SOD2: variants seen among roughly 807,000 people sequenced by gnomAD.
The protein encoded by SOD2 is superoxide dismutase [Mn], mitochondrial.
A neutral mutation model predicts 27.0 loss-of-function variants in SOD2; 11 were observed. The ratio of observed to expected loss-of-function variants is 0.41; its 90% CI spans 0.26 to 0.67. The LOEUF (loss-of-function observed/expected upper bound fraction) is 0.67. SOD2 is among the 30% of genes least tolerant of loss of function. The probability of loss-of-function intolerance (pLI) is 0.34; values close to 1 mark genes in which losing one functional copy is unlikely to be tolerated. For synonymous variants in SOD2, 105 were observed against 103.0 expected, an observed-to-expected ratio of 1.02 and a Z score of -0.12; for missense variants, 250 against 274.5, an observed-to-expected ratio of 0.91 and a Z score of 0.63.
At chr6:159,728,503 C>T (rs953603738), upstream of SOD2, among the ~76,000 whole-genome samples, 1 of 152,180 alleles carries the variant, frequency 6.6e-6, no homozygotes, top group South Asian at 2.1e-4. Context: ...GTATTTGTGC[C>T]TATTTTATCT....
In SOD2 at chr6:159,678,571, G is replaced by T. The variant is rs1314135864; in HGVS notation, c.*3922C>A. 2 of 152,140 alleles carry T rather than the reference G, an allele frequency of 1.3e-5. No homozygotes were observed. Among genetic ancestry groups the T allele is most frequent in the Non-Finnish European group, 2.9e-5 (2 of 68,038 alleles). 9.4% of individuals were successfully genotyped at this position (152,140 alleles called of 1,614,324 possible). A position where few individuals can be genotyped will look rare whatever the true frequency, so the allele number is the denominator to read the frequency against. On this transcript the variant is annotated 3_prime_UTR_variant, in exon 5 of 5. Transcript: ENST00000538183. ...ATGAAATATCCTTTACAATAAATTAGTATTGTAACCAATATGTAGTTTTAA... is the reference window on the plus strand; with the variant it reads ...ATGAAATATCCTTTACAATAAATTATTATTGTAACCAATATGTAGTTTTAA...
chr6:159,745,977 G>A (rs1038817981), upstream of SOD2, among the ~76,000 whole-genome samples: 9 of 152,192 alleles, frequency 5.9e-5, no homozygotes, highest in Non-Finnish European at 1.2e-4. Context: ...ACTGAGTAAC[G>A]ATGCTACTAG....
chr6:159,755,760 C>CT (rs1779984995), intron 1 of SOD2: 169 of 286,638 alleles, frequency 5.9e-4, no homozygotes, highest in Admixed American at 2.6e-3. Flanking sequence ...TTTTTTTTTT[C>CT]TTTTCTTTTT....
chr6:159,759,311 G>T (rs201910586), intron 1 of SOD2, among the ~76,000 whole-genome samples: 1 of 149,320 alleles, frequency 6.7e-6, no homozygotes, highest in East Asian at 2.0e-4. Flanking sequence ...TGCCCGCCTC[G>T]GCCTCCCAAA....
At chr6:159,761,592 C>G (rs1173718568) in exon 1 of SOD2, 1 of 455,496 alleles carries the variant, frequency 2.2e-6, no homozygotes, top group Non-Finnish European at 4.4e-6. Context: ...CGCCGCGGGC[C>G]GGGCTCGCAC....
At chr6:159,683,109 G>C (rs927066150) in intron 4 of SOD2, among the ~76,000 whole-genome samples, 7 of 152,172 alleles carry the variant, frequency 4.6e-5, no homozygotes, top group Non-Finnish European at 8.8e-5. Context: ...TGGGAATACA[G>C]AGCAGTTGGA....
chr6:159,726,695 C>A, intron 1 of SOD2: 1 of 1,153,780 alleles, frequency 8.7e-7, no homozygotes, highest in South Asian at 1.4e-5. Context: ...AAGGGGCCCT[C>A]AACGCCGCGG....
chr6:159,720,210 T>C (rs1190104845), intron 1 of SOD2, among the ~76,000 whole-genome samples: 3 of 151,770 alleles, frequency 2.0e-5, no homozygotes, highest in Non-Finnish European at 2.9e-5. Context: ...TTTTTGTGTA[T>C]ATATAAATAT....
intron 1 of SOD2, chr6:159,712,686 C>T (rs566076148): frequency 5.4e-4 from 192 of 358,590 alleles, no homozygotes; most frequent in African/African-American, 3.3e-3. Flanking sequence ...TCCATAACCA[C>T]GACTCAGCTG....
chr6:159,749,905 A>C (rs1779759572), upstream of SOD2, among the ~76,000 whole-genome samples: 1 of 152,208 alleles, frequency 6.6e-6, no homozygotes, highest in African/African-American at 2.4e-5. Flanking sequence ...CTTGGTGATA[A>C]TGGAGTCTAA....
At chr6:159,752,298 T>G (rs541425363) in intron 1 of SOD2, among the ~76,000 whole-genome samples, 4 of 152,254 alleles carry the variant, frequency 2.6e-5, no homozygotes, top group Non-Finnish European at 5.9e-5. Context: ...TATCCAAGTC[T>G]CAAAGGTAAA....
intron 1 of SOD2, among the ~76,000 whole-genome samples, chr6:159,741,349 CCT>C (rs561322363): frequency 2.1e-4 from 32 of 152,264 alleles, no homozygotes; most frequent in East Asian, 1.5e-3. Context: ...ATATTCTCCC[CCT>C]GTGTTTACAG....
intron 4 of SOD2, among the ~76,000 whole-genome samples, chr6:159,684,468 T>A (rs1470669193): frequency 6.6e-6 from 1 of 151,848 alleles, no homozygotes; most frequent in East Asian, 1.9e-4. Flanking sequence ...AACACAAAAA[T>A]TAGCTGGGCA....
chr6:159,729,174 A>G (rs1778412433), upstream of SOD2, among the ~76,000 whole-genome samples: 1 of 152,222 alleles, frequency 6.6e-6, no homozygotes. Flanking sequence ...TGTATGTAGT[A>G]TTGAATCCCC....
At chr6:159,689,059 T>C (rs1780324995) in intron 2 of SOD2, among the ~76,000 whole-genome samples, 1 of 152,186 alleles carries the variant, frequency 6.6e-6, no homozygotes, top group Non-Finnish European at 1.5e-5. Flanking sequence ...CCCTTCTCAC[T>C]GGAGCGAACC....
chr6:159,748,981 A>G (rs575547098), upstream of SOD2: 134 of 1,044,090 alleles, frequency 1.3e-4, no homozygotes, highest in South Asian at 7.8e-4. This position sits in a 1 kb window ranked among gnomAD's most constrained non-coding sequence, Gnocchi z 5.6. Flanking sequence ...CCAACTTTCA[A>G]TAGTCATGAG....
At position 159,681,179 on chromosome 6, in the gene SOD2, G is replaced by C. The variant is rs1562414576; in HGVS notation, c.*1314C>G. ...GACCCCTCTTTGGGGTGTGCCAGGGGGATTCCCACAAGCACAGAAATAAAG... is the reference window on the plus strand; with the variant it reads ...GACCCCTCTTTGGGGTGTGCCAGGGCGATTCCCACAAGCACAGAAATAAAG... On this transcript the variant is annotated 3_prime_UTR_variant, in exon 5 of 5. Coordinates refer to ENST00000538183, the MANE Select transcript of SOD2 (RefSeq NM_000636.4). 8 of 150,366 alleles carry C rather than the reference G, an allele frequency of 5.3e-5. No homozygotes were observed. In the South Asian group the frequency reaches 1.7e-3, roughly 32 times the overall value. The allele number at this position is 150,366 out of a possible 1,614,324, so 9.3% of individuals were successfully genotyped here.
In SOD2 at chr6:159,681,175, A is replaced by G. The variant is rs1297704587; in HGVS notation, c.*1318T>C. The G allele has an allele frequency of 1.4e-5, 2 of 147,050 alleles. No homozygotes were observed. The highest frequency in any genetic ancestry group is 2.5e-5 in the African/African-American group (1 of 40,622). 9.1% of individuals were successfully genotyped at this position (147,050 alleles called of 1,614,324 possible). A position where few individuals can be genotyped will look rare whatever the true frequency, so the allele number is the denominator to read the frequency against. Reference sequence around the variant, plus strand: ...CAGGGACCCCTCTTTGGGGTGTGCCAGGGGGATTCCCACAAGCACAGAAAT... The same window carrying G: ...CAGGGACCCCTCTTTGGGGTGTGCCGGGGGGATTCCCACAAGCACAGAAAT... On this transcript the variant is annotated 3_prime_UTR_variant, in exon 5 of 5. Coordinates refer to ENST00000538183, the MANE Select transcript of SOD2 (RefSeq NM_000636.4).
chr6:159,698,079 C>G (rs1305088349), upstream of SOD2, among the ~76,000 whole-genome samples: 1 of 152,178 alleles, frequency 6.6e-6, no homozygotes, highest in Non-Finnish European at 1.5e-5. Flanking sequence ...TGGAGACCAG[C>G]CTGGCCAATA....
Sources: allele counts gnomAD v4.1 joint callset (sites outside exome capture counted in the v4.1 genomes callset), GRCh38; gene constraint gnomAD v4.1.1; non-coding constraint Gnocchi (gnomAD v3.1); transcripts MANE v1.5; gene names NCBI Gene and HGNC (gene_info 2026-07-23, HGNC 2026-07-21).